Variants in DPP6 observed in about 807,000 individuals in gnomAD.
The protein encoded by DPP6 is dipeptidyl peptidase like 6.
A neutral mutation model predicts 122.6 loss-of-function variants in DPP6; 69 were observed. That is an observed-to-expected ratio of 0.56 (90% CI 0.46 to 0.69). The LOEUF (loss-of-function observed/expected upper bound fraction) is 0.69, where lower values mean the gene tolerates loss of function less well. Among genes scored for constraint, DPP6 ranks in the 30% least tolerant of loss-of-function variants. The pLI is 0.00. For synonymous variants in DPP6, 418 were observed against 433.1 expected, an observed-to-expected ratio of 0.97 and a Z score of 0.43; for missense variants, 928 against 1,116.9, an observed-to-expected ratio of 0.83 and a Z score of 2.41.
intron 1 of DPP6, among the ~76,000 whole-genome samples, chr7:153,998,538 T>C (rs555071955): frequency 2.5e-4 from 38 of 152,184 alleles, no homozygotes; most frequent in Non-Finnish European, 4.1e-4. Context: ...TAGACCTTAG[T>C]ATCTAGGGAG....
chr7:154,596,511 G>A (rs1002167922), intron 5 of DPP6, among the ~76,000 whole-genome samples: 1 of 152,202 alleles, frequency 6.6e-6, no homozygotes, highest in Non-Finnish European at 1.5e-5. Context: ...GTATATTAAG[G>A]TGTTAAGACA....
At chr7:154,256,900 T>G (rs143732963) in intron 1 of DPP6, among the ~76,000 whole-genome samples, 1 of 152,280 alleles carries the variant, frequency 6.6e-6, no homozygotes, top group African/African-American at 2.4e-5. Context: ...TCAGCCTCAC[T>G]TTAGAGAGGT....
chr7:154,890,799 C>G (rs1402203748), intron 25 of DPP6: 2 of 152,172 alleles, frequency 1.3e-5, no homozygotes, highest in East Asian at 3.9e-4. Flanking sequence ...CCCATATCCT[C>G]TTGTACTACT....
chr7:154,187,876 C>G (rs1287688387), intron 1 of DPP6, among the ~76,000 whole-genome samples: 2 of 152,160 alleles, frequency 1.3e-5, no homozygotes, highest in Non-Finnish European at 2.9e-5. Context: ...CTAACCCACT[C>G]TAATTAAGTC....
chr7:154,256,066 T>G (rs1420457765), intron 1 of DPP6, among the ~76,000 whole-genome samples: 1 of 152,216 alleles, frequency 6.6e-6, no homozygotes, highest in Non-Finnish European at 1.5e-5. Flanking sequence ...GAAGCAAAAC[T>G]GTAATTGTGT....
At chr7:154,155,746 G>A (rs1375460738) in intron 1 of DPP6, among the ~76,000 whole-genome samples, 4 of 152,164 alleles carry the variant, frequency 2.6e-5, no homozygotes, top group African/African-American at 4.8e-5. Flanking sequence ...CCCTGAAGAT[G>A]TCCCTTCTCT....
chr7:154,625,758 T>A (rs1475568953), intron 5 of DPP6, among the ~76,000 whole-genome samples: 1 of 152,204 alleles, frequency 6.6e-6, no homozygotes, highest in African/African-American at 2.4e-5. Flanking sequence ...ACCCTGTGTT[T>A]GTGGGGCAAG....
At chr7:154,162,540 T>C (rs1285412465) in intron 1 of DPP6, among the ~76,000 whole-genome samples, 1 of 152,188 alleles carries the variant, frequency 6.6e-6, no homozygotes, top group Non-Finnish European at 1.5e-5. Context: ...CCTGGCACAC[T>C]CTGGAGCTTT....
At chr7:154,791,588 CG>C (rs1382925487) in intron 10 of DPP6, among the ~76,000 whole-genome samples, 1 of 152,142 alleles carries the variant, frequency 6.6e-6, no homozygotes, top group African/African-American at 2.4e-5. Context: ...TGAGATTTGC[CG>C]GGGGGACATG....
chr7:153,808,103 C>A, the DPP6 span, among the ~76,000 whole-genome samples: 6 of 152,084 alleles, frequency 3.9e-5, no homozygotes, highest in Non-Finnish European at 5.9e-5. Flanking sequence ...TTAGGGTGAG[C>A]GATATGGTGT....
intron 8 of DPP6, among the ~76,000 whole-genome samples, chr7:154,734,052 C>T (rs934568740): frequency 2.0e-5 from 3 of 152,220 alleles, no homozygotes; most frequent in South Asian, 2.1e-4. Context: ...CAGTGAATAG[C>T]GGCAGCCTTG....
chr7:154,045,850 A>G (rs1799994610), intron 1 of DPP6, among the ~76,000 whole-genome samples: 1 of 152,250 alleles, frequency 6.6e-6, no homozygotes, highest in African/African-American at 2.4e-5. Flanking sequence ...ACTGTAGTTC[A>G]TGATTTCATC....
At chr7:154,178,315 A>G (rs553836009) in intron 1 of DPP6, among the ~76,000 whole-genome samples, 1 of 152,054 alleles carries the variant, frequency 6.6e-6, no homozygotes, top group East Asian at 1.9e-4. Context: ...TGAAATAACC[A>G]AGGCCTCCAG....
chr7:154,344,002 C>T (rs1810170127), intron 1 of DPP6, among the ~76,000 whole-genome samples: 1 of 152,064 alleles, frequency 6.6e-6, no homozygotes, highest in Non-Finnish European at 1.5e-5. Flanking sequence ...AGGCGTGAGC[C>T]ACCGTGCCCC....
At chr7:154,885,473 C>A in intron 21 of DPP6, 160 bp from the exon 22 acceptor site, 1 of 1,009,868 alleles carries the variant, frequency 9.9e-7, no homozygotes, top group Non-Finnish European at 1.4e-6. Flanking sequence ...CTTTTCATCT[C>A]TTGTTACTGC....
intron 1 of DPP6, among the ~76,000 whole-genome samples, chr7:154,008,806 C>G (rs1472009573): frequency 1.3e-5 from 2 of 150,550 alleles, no homozygotes; most frequent in African/African-American, 2.4e-5. Context: ...GGACTACAGG[C>G]GCCCGCCACT....
In DPP6 at chr7:154,414,855, C is replaced by T. The variant is rs146498163; in HGVS notation, c.244-31359C>T. On this transcript the variant is annotated intron_variant, in intron 1 of 25. Transcript: ENST00000377770. ...GCCTGGTGTCTTCCATAGAGATACA[C>T]GAGTCCAAATCTGAAGCTCTGGTGG... Among the ~76,000 whole-genome samples, 26 of 152,296 alleles carry T rather than the reference C, an allele frequency of 1.7e-4. 1 individual carries two copies. The highest frequency in any genetic ancestry group is 2.6e-4 in the African/African-American group (11 of 41,566).
intron 1 of DPP6, among the ~76,000 whole-genome samples, chr7:154,415,559 C>G (rs953213060): frequency 4.6e-5 from 7 of 151,888 alleles, no homozygotes; most frequent in Non-Finnish European, 1.0e-4. Context: ...CATTAAGATC[C>G]TGTTTAAAGG....
chr7:153,930,907 C>T (rs1801140719), intron 1 of DPP6, among the ~76,000 whole-genome samples: 1 of 152,214 alleles, frequency 6.6e-6, no homozygotes, highest in Non-Finnish European at 1.5e-5. Flanking sequence ...ACTAAGCCAA[C>T]AGTGCCAACT....
Sources: allele counts gnomAD v4.1 joint callset (sites outside exome capture counted in the v4.1 genomes callset), GRCh38; gene constraint gnomAD v4.1.1; transcripts MANE v1.5; gene names NCBI Gene and HGNC (gene_info 2026-07-23, HGNC 2026-07-21).